ALLC: variants seen among roughly 807,000 people sequenced by gnomAD.
The protein encoded by ALLC is allantoicase, also known as probable inactive allantoicase.
Under a neutral mutation model 45.0 loss-of-function variants are expected in ALLC, and 40 were observed. The ratio of observed to expected loss-of-function variants is 0.89; its 90% CI spans 0.69 to 1.16. The LOEUF (loss-of-function observed/expected upper bound fraction) is 1.16. Ranked by LOEUF, ALLC falls within the 50% of genes most tolerant of loss-of-function variation. The pLI is 0.00. For missense variants in ALLC, 488 were observed against 493.1 expected, an observed-to-expected ratio of 0.99 and a Z score of 0.10; for synonymous variants, 176 against 178.1, an observed-to-expected ratio of 0.99 and a Z score of 0.09.
chr2:3,679,865 G>A lies in ALLC; in HGVS notation c.173-4G>A, dbSNP rs780628901. Reference sequence around the variant, plus strand: ...AGACTGCTCTTGTCCTCTGTGTTGCGCAGGTCACGACTGGTGTGTCCTCAG... The same window carrying A: ...AGACTGCTCTTGTCCTCTGTGTTGCACAGGTCACGACTGGTGTGTCCTCAG... On this transcript the variant is annotated splice_region_variant and splice_polypyrimidine_tract_variant and intron_variant, in intron 4 of 11. Transcript: ENST00000252505. The A allele has an allele frequency of 1.1e-5, 17 of 1,613,652 alleles. No homozygotes were observed. The highest frequency in any genetic ancestry group is 5.3e-5 in the African/African-American group (4 of 74,906).
chr2:3,680,648 C>T lies in ALLC; in HGVS notation c.298+654C>T, dbSNP rs1667152626. 1.3e-5 allele frequency among the ~76,000 whole-genome samples: 2 copies of T among 152,160 alleles called. No individual in the cohort carries two copies. The highest frequency in any genetic ancestry group is 6.5e-5 in the Admixed American group (1 of 15,276). On this transcript the variant is annotated intron_variant, in intron 5 of 11. Transcript: ENST00000252505. The surrounding 1 kb of genome is among the most constrained non-coding windows in gnomAD (Gnocchi z 4.0). ...ACAGAAGCGTGGCCTTGGGCAGCAGCGAGATGGGTAAATCTCTGCACTGTT... is the reference window on the plus strand; with the variant it reads ...ACAGAAGCGTGGCCTTGGGCAGCAGTGAGATGGGTAAATCTCTGCACTGTT...
At chr2:3,664,945 A>G (rs538978534) in intron 1 of ALLC, among the ~76,000 whole-genome samples, 5 of 151,504 alleles carry the variant, frequency 3.3e-5, no homozygotes, top group Non-Finnish European at 4.4e-5. Flanking sequence ...GCTCGATTTC[A>G]TTTGGAAACA....
the ALLC span, among the ~76,000 whole-genome samples, chr2:3,650,671 T>C: frequency 1.5e-4 from 23 of 152,124 alleles, no homozygotes; most frequent in Admixed American, 1.4e-3. Flanking sequence ...TGGGGCTCAG[T>C]TTACTCCCAT....
At chr2:3,653,523 G>A (rs1169464132), upstream of ALLC, among the ~76,000 whole-genome samples, 1 of 152,176 alleles carries the variant, frequency 6.6e-6, no homozygotes, top group Non-Finnish European at 1.5e-5. This position sits in a 1 kb window ranked among gnomAD's most constrained non-coding sequence, Gnocchi z 4.1. Flanking sequence ...TTCCCTGAAG[G>A]TGTGTCAGGC....
At chr2:3,695,950 A>G in intron 8 of ALLC, 78 bp downstream of exon 8, 1 of 1,417,120 alleles carries the variant, frequency 7.1e-7, no homozygotes, top group Non-Finnish European at 9.5e-7. Flanking sequence ...GGTCAGAGTG[A>G]TTTAAAAGGA....
At chr2:3,689,244 T>C (rs1474232989) in intron 7 of ALLC, among the ~76,000 whole-genome samples, 1 of 151,008 alleles carries the variant, frequency 6.6e-6, no homozygotes, top group Admixed American at 6.6e-5. Context: ...TTTTTTCTTC[T>C]ACTAGTAATT....
At chr2:3,697,862 G>T (rs1205779396) in intron 10 of ALLC, among the ~76,000 whole-genome samples, 1 of 151,770 alleles carries the variant, frequency 6.6e-6, no homozygotes, top group Non-Finnish European at 1.5e-5. Context: ...ATGGGTTTTT[G>T]CCATGTTGGC....
intron 11 of ALLC, 54 bp downstream of exon 11, chr2:3,701,690 G>A: frequency 1.3e-6 from 2 of 1,544,322 alleles, no homozygotes; most frequent in African/African-American, 1.4e-5. Flanking sequence ...ATTTCCCTAA[G>A]ATTCTCTTTT....
intron 7 of ALLC, among the ~76,000 whole-genome samples, chr2:3,691,033 C>G (rs1237034737): frequency 6.6e-6 from 1 of 150,478 alleles, no homozygotes; most frequent in Non-Finnish European, 1.5e-5. Context: ...TCTTGTTTAT[C>G]CAGGAAAGAT....
rs778071006 is a variant in ALLC at position 3,680,014 on chromosome 2, C to A, written c.298+20C>A. Reference sequence around the variant, plus strand: ...AAGAAGGTGCGTTAGGAACCACTGTCCCCAAAATGAGAATTATGGGTCACA... The same window carrying A: ...AAGAAGGTGCGTTAGGAACCACTGTACCCAAAATGAGAATTATGGGTCACA... On this transcript the variant is annotated intron_variant, in intron 5 of 11. Transcript: ENST00000252505. This position sits in a 1 kb window ranked among gnomAD's most constrained non-coding sequence, Gnocchi z 4.0. The A allele has an allele frequency of 9.3e-6, 15 of 1,612,996 alleles. No individual in the cohort carries two copies. The East Asian group carries it at 3.3e-4, about 36-fold the overall frequency.
Position 3,679,977 on chromosome 2 carries a change from C to A in ALLC, c.281C>A (p.Ala94Glu). 6.2e-7 allele frequency: 1 copy of A among 1,613,898 alleles called. No homozygotes were observed. Among genetic ancestry groups the A allele is most frequent in the South Asian group, 1.1e-5 (1 of 91,072 alleles). The change falls in exon 5 of 12, where the codon GCA (alanine) becomes GAA (glutamate). Residue 94 changes from alanine to glutamate, a missense_variant. Ala to Glu is a moderately radical substitution (Grantham distance 107, BLOSUM62 -1). Coordinates refer to ENST00000252505, the MANE Select transcript of ALLC (RefSeq NM_018436.4). ...TACGCTCCTCGAGTGTCCATTCAAG[C>A]AGCAAACTTGGAAGAAGGTGCGTTA... The part of the protein sequence containing the change: ...GDYAPRVSIQ[A>E]ANLEEDKLPE...
chr2:3,689,717 G>A (rs1667421886), intron 7 of ALLC, among the ~76,000 whole-genome samples: 1 of 150,774 alleles, frequency 6.6e-6, no homozygotes, highest in African/African-American at 2.4e-5. Context: ...GTCAGTTAGG[G>A]CCATTAGATC....
intron 3 of ALLC, among the ~76,000 whole-genome samples, chr2:3,677,077 C>T (rs6723436): frequency 0.11 from 17,110 of 152,130 alleles, 1,115 homozygotes; most frequent in African/African-American, 0.16. Context: ...TGTAAGCCAC[C>T]GCACCTGACT....
In ALLC at chr2:3,680,883, A is replaced by T. The variant is rs1667159212; in HGVS notation, c.299-751A>T. On this transcript the variant is annotated intron_variant, in intron 5 of 11. Coordinates refer to ENST00000252505, the MANE Select transcript of ALLC (RefSeq NM_018436.4). The surrounding 1 kb of genome is among the most constrained non-coding windows in gnomAD (Gnocchi z 4.0). ...TTCACAGGATTGAGGCTAATCAGAC[A>T]TTGACATGGCAGATTCGCATCCAAG... Among the ~76,000 whole-genome samples the T allele has an allele frequency of 6.6e-6, 1 of 152,200 alleles. No individual in the cohort carries two copies. Among genetic ancestry groups the T allele is most frequent in the African/African-American group, 2.4e-5 (1 of 41,442 alleles).
At chr2:3,658,060 G>C (rs1479608450), upstream of ALLC, 1 of 152,504 alleles carries the variant, frequency 6.6e-6, no homozygotes, top group Admixed American at 6.5e-5. Flanking sequence ...GGCCTTGTGC[G>C]AGGGTCTTGC....
At chr2:3,671,065 A>G (rs59726279) in intron 1 of ALLC, 31 bp from the exon 2 acceptor site, 300,741 of 1,411,856 alleles carry the variant, frequency 0.21, 32,991 homozygotes, top group African/African-American at 0.28. Flanking sequence ...CGCAGCCCCC[A>G]AGGTTGACCG....
At chr2:3,684,385 T>A (rs1470762664) in intron 7 of ALLC, among the ~76,000 whole-genome samples, 1 of 152,218 alleles carries the variant, frequency 6.6e-6, no homozygotes, top group African/African-American at 2.4e-5. Context: ...TTGTATGTTT[T>A]ATTTGGAAAA....
At position 3,682,999 on chromosome 2, in the gene ALLC, C is replaced by T. The variant is rs764588725; in HGVS notation, c.436C>T (p.Pro146Ser). The stretch of plus-strand genomic sequence containing the variant: ...CATGACTGAGCTTAAGCCAGGAAAC[C>T]CTGCTTCCGGCCACAACTATTTTCT... Reference protein sequence around the residue: ...VPMTELKPGNPASGHNYFLVN... With the variant: ...VPMTELKPGNSASGHNYFLVN... Residue 146 changes from proline to serine, a missense_variant, in exon 7 of 12, where the codon CCT (proline) becomes TCT (serine). Coordinates refer to ENST00000252505, the MANE Select transcript of ALLC (RefSeq NM_018436.4). 1 of 1,613,856 alleles carries T rather than the reference C, an allele frequency of 6.2e-7. No individual in the cohort carries two copies. Among genetic ancestry groups the T allele is most frequent in the Admixed American group, 1.7e-5 (1 of 60,008 alleles).
chr2:3,656,491 A>G (rs547351975), upstream of ALLC, among the ~76,000 whole-genome samples: 2 of 152,266 alleles, frequency 1.3e-5, no homozygotes, highest in African/African-American at 4.8e-5. Context: ...AACTTACCTC[A>G]TAAGACAGAG....
Sources: allele counts gnomAD v4.1 joint callset (sites outside exome capture counted in the v4.1 genomes callset), GRCh38; gene constraint gnomAD v4.1.1; non-coding constraint Gnocchi (gnomAD v3.1); transcripts MANE v1.5; gene names NCBI Gene and HGNC (gene_info 2026-07-23, HGNC 2026-07-21).